The following ZC3H12B variants were observed in gnomAD, a reference collection of about 807,000 sequenced individuals.
ZC3H12B encodes probable ribonuclease ZC3H12B.
ZC3H12B carries 7 observed loss-of-function variants against 43.9 expected under a neutral mutation model. The observed-to-expected ratio is 0.16, with a 90% CI of 0.09 to 0.30. The LOEUF (loss-of-function observed/expected upper bound fraction) is 0.30, where lower values mean the gene tolerates loss of function less well. Among genes scored for constraint, ZC3H12B ranks in the 10% least tolerant of loss-of-function variants. The probability of loss-of-function intolerance (pLI) is 1.00; values close to 1 mark genes in which losing one functional copy is unlikely to be tolerated. For missense variants in ZC3H12B, 475 were observed against 670.2 expected (o/e 0.71, Z 3.22); for synonymous variants, 222 against 241.7 (o/e 0.92, Z 0.76).
the ZC3H12B span, among the ~76,000 whole-genome samples, chrX:65,263,127 G>T: frequency 9.0e-6 from 1 of 110,997 alleles, no homozygotes; most frequent in Non-Finnish European, 1.9e-5. Flanking sequence ...ACTTTTATGT[G>T]CCTAAAAATA....
At chrX:65,160,539 T>C in the ZC3H12B span, among the ~76,000 whole-genome samples, 1 of 111,917 alleles carries the variant, frequency 8.9e-6, no homozygotes, top group Middle Eastern at 4.2e-3. Flanking sequence ...ATTTTCTAGT[T>C]TATTTGCGTA....
At position 65,440,749 on chromosome X, in the gene ZC3H12B, T is replaced by C. The variant is rs888486076; in HGVS notation, n.407+42045T>C. On this transcript the variant is annotated intron_variant and non_coding_transcript_variant, in intron 3 of 5. Transcript: ENST00000617377. ...TGCTCCCATAGGATGTGTAACTGAA[T>C]TGATGGCTCTTAAGTCAGTTAACAT... Among the ~76,000 whole-genome samples, 3 of 112,463 alleles carry C rather than the reference T, an allele frequency of 2.7e-5. No homozygotes were observed. The Admixed American group carries it at 2.8e-4, about 11-fold the overall frequency.
At chrX:65,279,765 A>G in the ZC3H12B span, among the ~76,000 whole-genome samples, 1 of 112,160 alleles carries the variant, frequency 8.9e-6, no homozygotes, top group Non-Finnish European at 1.9e-5. Context: ...AAAACAAACT[A>G]TCAACAGACT....
chrX:65,262,987 T>C, the ZC3H12B span, among the ~76,000 whole-genome samples: 15,774 of 110,240 alleles, frequency 0.14, 2,728 homozygotes, highest in African/African-American at 0.49. Context: ...GAGAGTACCA[T>C]TTTTGAAGTC....
the ZC3H12B span, among the ~76,000 whole-genome samples, chrX:65,057,431 A>G: frequency 5.4e-5 from 6 of 111,948 alleles, no homozygotes; most frequent in Non-Finnish European, 1.1e-4. Flanking sequence ...TCTGGCTTGT[A>G]GAGTTTCTGC....
At chrX:65,246,165 G>T in the ZC3H12B span, among the ~76,000 whole-genome samples, 1 of 111,227 alleles carries the variant, frequency 9.0e-6, no homozygotes, top group African/African-American at 3.3e-5. Context: ...ATTCATAATT[G>T]CCACAAAAAG....
chrX:65,262,491 ATGT>A, the ZC3H12B span, among the ~76,000 whole-genome samples: 2 of 111,514 alleles, frequency 1.8e-5, no homozygotes, highest in Admixed American at 9.5e-5. Flanking sequence ...AATTTGGGTG[ATGT>A]TGTGTAACTT....
chrX:65,210,013 G>A, the ZC3H12B span, among the ~76,000 whole-genome samples: 4 of 64,561 alleles, frequency 6.2e-5, no homozygotes, highest in Admixed American at 1.7e-4. Flanking sequence ...CGTGGGCAAG[G>A]ACTTCATGTC....
chrX:65,496,400 C>A (rs1350375057), intron 1 of ZC3H12B, among the ~76,000 whole-genome samples: 1 of 111,598 alleles, frequency 9.0e-6, no homozygotes, highest in African/African-American at 3.3e-5. Flanking sequence ...AAACTTTAAA[C>A]CTCTGGTAAT....
chrX:65,429,527 G>A (rs996860458), intron 3 of ZC3H12B, among the ~76,000 whole-genome samples: 6 of 112,620 alleles, frequency 5.3e-5, no homozygotes, highest in Non-Finnish European at 1.1e-4. Flanking sequence ...AAGCAGTCTG[G>A]CCAAAATCTG....
the ZC3H12B span, among the ~76,000 whole-genome samples, chrX:65,190,872 G>C: frequency 7.5e-5 from 8 of 106,002 alleles, no homozygotes; most frequent in Non-Finnish European, 1.5e-4. Flanking sequence ...CCCCTGTCTT[G>C]TGCCAGTTTT....
the ZC3H12B span, among the ~76,000 whole-genome samples, chrX:65,093,392 C>T: frequency 9.0e-6 from 1 of 111,684 alleles, no homozygotes; most frequent in South Asian, 3.8e-4. Flanking sequence ...CCTCCAGACT[C>T]CAGAATGGTA....
chrX:65,425,992 G>A (rs1008050997), intron 3 of ZC3H12B, among the ~76,000 whole-genome samples: 1 of 111,067 alleles, frequency 9.0e-6, no homozygotes, highest in Admixed American at 9.6e-5. Context: ...TTAGGTAGGA[G>A]TCCATCCTTT....
At chrX:65,205,340 G>C in the ZC3H12B span, among the ~76,000 whole-genome samples, 8 of 111,488 alleles carry the variant, frequency 7.2e-5, no homozygotes, top group Non-Finnish European at 1.5e-4. Flanking sequence ...AAATTTTAAA[G>C]AGTTGTATGT....
the ZC3H12B span, among the ~76,000 whole-genome samples, chrX:65,125,045 G>T: frequency 9.1e-6 from 1 of 109,662 alleles, no homozygotes; most frequent in African/African-American, 3.3e-5. Flanking sequence ...GATTTTTCTT[G>T]TTTCTCCAAT....
intron 3 of ZC3H12B, among the ~76,000 whole-genome samples, chrX:65,420,624 C>T (rs1371074430): frequency 8.9e-6 from 1 of 112,012 alleles, no homozygotes; most frequent in Non-Finnish European, 1.9e-5. Flanking sequence ...CCTAAAGAAA[C>T]AGAGACCTAC....
At chrX:65,242,425 C>G in the ZC3H12B span, among the ~76,000 whole-genome samples, 1 of 110,792 alleles carries the variant, frequency 9.0e-6, no homozygotes, top group Non-Finnish European at 1.9e-5. Context: ...TAGAAATAAA[C>G]GTAATCAAAG....
the ZC3H12B span, among the ~76,000 whole-genome samples, chrX:65,127,473 G>T: frequency 9.0e-6 from 1 of 111,125 alleles, no homozygotes; most frequent in Non-Finnish European, 1.9e-5. Context: ...GTTTTGTGTT[G>T]GTTGACCTCC....
the ZC3H12B span, among the ~76,000 whole-genome samples, chrX:65,082,166 AG>A: frequency 8.9e-6 from 1 of 111,792 alleles, no homozygotes; most frequent in East Asian, 2.8e-4. Flanking sequence ...TACATCAAAA[AG>A]GAGGAAACCT....
Sources: allele counts gnomAD v4.1 joint callset (sites outside exome capture counted in the v4.1 genomes callset), GRCh38; gene constraint gnomAD v4.1.1; transcripts MANE v1.5; gene names NCBI Gene and HGNC (gene_info 2026-07-23, HGNC 2026-07-21).